Variants in CACNA1A observed in about 807,000 individuals in gnomAD.
CACNA1A encodes calcium voltage-gated channel subunit alpha1 A, also known as voltage-dependent P/Q-type calcium channel subunit alpha-1A.
In CACNA1A, 57 loss-of-function variants were observed where a neutral mutation model predicts 262.4. The ratio of observed to expected loss-of-function variants is 0.22; its 90% CI spans 0.18 to 0.27. The LOEUF (loss-of-function observed/expected upper bound fraction) is 0.27. Among genes scored for constraint, CACNA1A ranks in the 10% least tolerant of loss-of-function variants. The probability of loss-of-function intolerance (pLI) is 1.00; values close to 1 mark genes in which losing one functional copy is unlikely to be tolerated. For synonymous variants in CACNA1A, 1,431 were observed against 1,419.3 expected (o/e 1.01, Z -0.18); for missense variants, 2,526 against 3,562.8 (o/e 0.71, Z 7.41).
Position 13,286,843 on chromosome 19 carries a change from G to T in CACNA1A, c.3213C>A (p.Asn1071Lys), listed in dbSNP as rs1369614864. The T allele has an allele frequency of 4.3e-6, 7 of 1,613,844 alleles. No homozygotes were observed. The highest frequency in any genetic ancestry group is 5.1e-6 in the Non-Finnish European group (6 of 1,179,880). Reference protein sequence around the residue: ...LAEDIDNMKNNKLATAESAAP... With the variant: ...LAEDIDNMKNKKLATAESAAP... ...CGGCCGACTCCGCGGTGGCCAGCTT[G>T]TTGTTCTTCATGTTGTCAATATCCT... Residue 1071 changes from asparagine to lysine, a missense_variant, in exon 20 of 47, where the codon AAC becomes AAA. Transcript: ENST00000360228.
chr19:13,296,011 A>C (rs2144938029), intron 19 of CACNA1A, among the ~76,000 whole-genome samples: 1 of 152,340 alleles, frequency 6.6e-6, no homozygotes, highest in East Asian at 1.9e-4. Context: ...AATTGTCCAC[A>C]CAACCCAGAG....
intron 38 of CACNA1A, among the ~76,000 whole-genome samples, chr19:13,224,427 CA>C (rs1385080673): frequency 1.6e-4 from 23 of 148,258 alleles, no homozygotes; most frequent in Admixed American, 1.4e-3. Flanking sequence ...GTCAAGGCTG[CA>C]GTGACTTGCG....
rs566162786 is a variant in CACNA1A at position 13,230,650 on chromosome 19, C to G, written c.5401-441G>C. 2.6e-5 allele frequency among the ~76,000 whole-genome samples: 4 copies of G among 152,100 alleles called. No homozygotes were observed. In the East Asian group the frequency reaches 7.7e-4, roughly 29 times the overall value. On this transcript the variant is annotated intron_variant, in intron 35 of 46. Coordinates refer to ENST00000360228, the MANE Select transcript of CACNA1A (RefSeq NM_001127222.2). ...TGAAACACTGTCTCTACTAAAAATACAAAAATTAGCTGGGTGTGGTGGCAT... is the reference window on the plus strand; with the variant it reads ...TGAAACACTGTCTCTACTAAAAATAGAAAAATTAGCTGGGTGTGGTGGCAT...
At chr19:13,337,346 G>T (rs2058594457) in intron 6 of CACNA1A, among the ~76,000 whole-genome samples, 1 of 152,132 alleles carries the variant, frequency 6.6e-6, no homozygotes, top group African/African-American at 2.4e-5. Context: ...GGCAATCTTT[G>T]CTGATTCTTG....
intron 4 of CACNA1A, chr19:13,370,788 G>T (rs1360614414): frequency 6.6e-6 from 1 of 150,924 alleles, no homozygotes; most frequent in Non-Finnish European, 1.5e-5. Context: ...TGGGGGTGGT[G>T]TTCCTCACAA....
chr19:13,495,933 C>T (rs1006345562), intron 1 of CACNA1A, among the ~76,000 whole-genome samples: 1 of 152,082 alleles, frequency 6.6e-6, no homozygotes, highest in African/African-American at 2.4e-5. Flanking sequence ...ACCCACCCAT[C>T]GAGTCATCTA....
At chr19:13,261,748 A>G in intron 25 of CACNA1A, 138 bp from the exon 26 acceptor site, 1 of 781,078 alleles carries the variant, frequency 1.3e-6, no homozygotes, top group South Asian at 1.7e-5. Flanking sequence ...TCACTAGGGT[A>G]AGGTCCCCCC....
At chr19:13,437,374 G>A (rs1179366854) in intron 3 of CACNA1A, among the ~76,000 whole-genome samples, 1 of 152,164 alleles carries the variant, frequency 6.6e-6, no homozygotes, top group Non-Finnish European at 1.5e-5. Flanking sequence ...CACTGCAGAA[G>A]GGAAGAGAGG....
intron 1 of CACNA1A, among the ~76,000 whole-genome samples, chr19:13,487,408 A>G (rs1410762824): frequency 6.6e-6 from 1 of 152,166 alleles, no homozygotes; most frequent in African/African-American, 2.4e-5. Flanking sequence ...GTTGTCAGCC[A>G]GGGAAGGCGA....
At chr19:13,377,244 G>A (rs1022767637) in intron 3 of CACNA1A, among the ~76,000 whole-genome samples, 2 of 151,852 alleles carry the variant, frequency 1.3e-5, no homozygotes, top group East Asian at 1.9e-4. Flanking sequence ...TTACAGGTGC[G>A]AGCCACTGTA....
In CACNA1A at chr19:13,472,542, C is replaced by T. The variant is rs201735665; in HGVS notation, c.294-17330G>A. 1.2e-4 allele frequency among the ~76,000 whole-genome samples: 19 copies of T among 152,236 alleles called. No individual in the cohort carries two copies. The East Asian group carries it at 2.3e-3, about 19-fold the overall frequency. On this transcript the variant is annotated intron_variant, in intron 1 of 46. Transcript: ENST00000360228. ...CCCTTTGCTCATCAGACTCTAGCTACACTGGCTCATTTTTAACATGATGAA... is the reference window on the plus strand; with the variant it reads ...CCCTTTGCTCATCAGACTCTAGCTATACTGGCTCATTTTTAACATGATGAA...
chr19:13,367,023 G>A (rs976180525), intron 4 of CACNA1A, among the ~76,000 whole-genome samples: 3 of 152,146 alleles, frequency 2.0e-5, no homozygotes, highest in Non-Finnish European at 2.9e-5. Flanking sequence ...AGGGCGCGGC[G>A]GCGGTTCACG....
chr19:13,243,322 A>G (rs967481414), intron 31 of CACNA1A, among the ~76,000 whole-genome samples: 3 of 152,142 alleles, frequency 2.0e-5, no homozygotes, highest in Non-Finnish European at 4.4e-5. Context: ...AGTGTGTATC[A>G]CTTGGGTGCG....
In CACNA1A at chr19:13,455,755, AG is replaced by A. The variant is rs527979476; in HGVS notation, c.294-544del. Among the ~76,000 whole-genome samples, 94 of 151,626 alleles carry A rather than the reference AG, an allele frequency of 6.2e-4. 1 individual carries two copies. Among genetic ancestry groups the A allele is most frequent in the Non-Finnish European group, 1.1e-3 (72 of 67,938 alleles). On this transcript the variant is annotated intron_variant, in intron 1 of 46. Coordinates refer to ENST00000360228, the MANE Select transcript of CACNA1A (RefSeq NM_001127222.2). The stretch of plus-strand genomic sequence containing the variant: ...CATGATGGCAGGCACCTGTGGTCCC[AG>A]GTACTTGGGAGGCTGAGGCGAGAGA...
chr19:13,384,862 G>A (rs1422627629), intron 3 of CACNA1A, among the ~76,000 whole-genome samples: 1 of 152,152 alleles, frequency 6.6e-6, no homozygotes, highest in African/African-American at 2.4e-5. Context: ...GTCTTGCGGG[G>A]GCTGATGGTT....
chr19:13,399,317 G>A (rs1287755869), intron 3 of CACNA1A, among the ~76,000 whole-genome samples: 2 of 151,650 alleles, frequency 1.3e-5, no homozygotes, highest in African/African-American at 4.9e-5. Flanking sequence ...TAAAGAAAAC[G>A]GTTAATGAGC....
intron 6 of CACNA1A, among the ~76,000 whole-genome samples, chr19:13,347,068 T>G (rs1568558101): frequency 1.8e-4 from 3 of 16,910 alleles, no homozygotes; most frequent in African/African-American, 3.9e-4. Context: ...TGTTTTTTTG[T>G]TTTTTTTTTT....
intron 3 of CACNA1A, among the ~76,000 whole-genome samples, chr19:13,385,226 C>CTT (rs200379554): frequency 6.2e-4 from 85 of 137,548 alleles, no homozygotes; most frequent in South Asian, 1.4e-3. Flanking sequence ...TCTATTCTTT[C>CTT]TTTCTTTTTT....
intron 7 of CACNA1A, among the ~76,000 whole-genome samples, chr19:13,335,154 C>A (rs564446184): frequency 7.0e-4 from 106 of 152,316 alleles, no homozygotes; most frequent in African/African-American, 2.5e-3. Context: ...TTTCAGCCCT[C>A]TTTTAAGTTA....
Sources: allele counts gnomAD v4.1 joint callset (sites outside exome capture counted in the v4.1 genomes callset), GRCh38; gene constraint gnomAD v4.1.1; transcripts MANE v1.5; gene names NCBI Gene and HGNC (gene_info 2026-07-23, HGNC 2026-07-21).